The following STK32C variants were observed in gnomAD, a reference collection of about 807,000 sequenced individuals.
STK32C encodes the protein serine/threonine kinase 32C.
In STK32C, 31 loss-of-function variants were observed where a neutral mutation model predicts 56.5. The observed-to-expected ratio is 0.55, with a 90% CI of 0.41 to 0.74. STK32C has a LOEUF of 0.74. STK32C is among the 30% of genes least tolerant of loss of function. The pLI is 0.00. For missense variants in STK32C, 544 were observed against 676.9 expected, an observed-to-expected ratio of 0.80 and a Z score of 2.18; for synonymous variants, 309 against 289.4, an observed-to-expected ratio of 1.07 and a Z score of -0.69.
intron 1 of STK32C, chr10:132,306,881 C>G (rs2066086568): frequency 6.6e-6 from 1 of 152,210 alleles, no homozygotes; most frequent in South Asian, 2.1e-4. Flanking sequence ...CCCCTGGCAC[C>G]CCGGGAGGTG....
chr10:132,256,804 G>A (rs111966780), intron 1 of STK32C, among the ~76,000 whole-genome samples: 1 of 152,216 alleles, frequency 6.6e-6, no homozygotes, highest in East Asian at 1.9e-4. Flanking sequence ...CCTGCTCCTG[G>A]GGCTGCCCGC....
At chr10:132,226,996 T>A (rs1271994080) in intron 3 of STK32C, 28 bp from the exon 4 acceptor site, 4 of 1,610,816 alleles carry the variant, frequency 2.5e-6, no homozygotes, top group Non-Finnish European at 3.4e-6. Context: ...AGGCCTGTTG[T>A]GCGCACAGCT....
chr10:132,223,949 CCT>C (rs1192865027), intron 8 of STK32C, among the ~76,000 whole-genome samples: 5 of 152,316 alleles, frequency 3.3e-5, no homozygotes, highest in Admixed American at 6.5e-5. Context: ...GCTGATGTCC[CCT>C]GAGAGGTGTT....
At chr10:132,218,979 T>C (rs973162122) in intron 10 of STK32C, among the ~76,000 whole-genome samples, 2 of 152,140 alleles carry the variant, frequency 1.3e-5, no homozygotes, top group Non-Finnish European at 2.9e-5. Context: ...TCCACTTCCA[T>C]GAAACGCCCA....
chr10:132,320,677 G>A (rs1021732810), downstream of STK32C, among the ~76,000 whole-genome samples: 3 of 152,162 alleles, frequency 2.0e-5, no homozygotes, highest in Admixed American at 6.5e-5. Flanking sequence ...TGATGCTGGC[G>A]TCCGTTCAAT....
intron 1 of STK32C, among the ~76,000 whole-genome samples, chr10:132,326,183 A>G (rs981258544): frequency 6.6e-6 from 1 of 152,206 alleles, no homozygotes; most frequent in East Asian, 1.9e-4. Flanking sequence ...CCGCCCCACA[A>G]AAGACAGCTT....
chr10:132,208,524 C>G (rs905045016), intron 11 of STK32C, among the ~76,000 whole-genome samples: 28 of 152,198 alleles, frequency 1.8e-4, no homozygotes, highest in African/African-American at 6.3e-4. Flanking sequence ...CCTGCACGTC[C>G]TGTCCATAAG....
At chr10:132,277,173 T>C (rs942046365) in intron 1 of STK32C, among the ~76,000 whole-genome samples, 1 of 152,172 alleles carries the variant, frequency 6.6e-6, no homozygotes, top group African/African-American at 2.4e-5. Flanking sequence ...ATGCACAAGT[T>C]TGTGGATTCT....
At chr10:132,242,927 G>A (rs1269319542) in intron 2 of STK32C, among the ~76,000 whole-genome samples, 1 of 152,132 alleles carries the variant, frequency 6.6e-6, no homozygotes, top group Non-Finnish European at 1.5e-5. Context: ...CCACCCAGGG[G>A]AACCACAGAC....
At chr10:132,297,789 GC>G (rs1230135729) in intron 1 of STK32C, among the ~76,000 whole-genome samples, 3 of 152,158 alleles carry the variant, frequency 2.0e-5, no homozygotes, top group Non-Finnish European at 2.9e-5. Flanking sequence ...TCAGGGGCCC[GC>G]CCCGCGGCCA....
chr10:132,250,295 C>G (rs2063852056), intron 1 of STK32C, among the ~76,000 whole-genome samples: 1 of 150,524 alleles, frequency 6.6e-6, no homozygotes, highest in African/African-American at 2.5e-5. Context: ...GTGAGGCGCA[C>G]AGGACAGGTC....
intron 1 of STK32C, among the ~76,000 whole-genome samples, chr10:132,261,413 A>C (rs909220911): frequency 4.6e-5 from 7 of 152,216 alleles, no homozygotes; most frequent in African/African-American, 7.2e-5. Context: ...AATACCCAGG[A>C]ATACACCTAA....
intron 1 of STK32C, among the ~76,000 whole-genome samples, chr10:132,314,100 G>A (rs774675576): frequency 3.3e-5 from 5 of 152,228 alleles, no homozygotes; most frequent in Admixed American, 6.5e-5. Context: ...GCACCGCGAT[G>A]CACCACCTTA....
chr10:132,252,750 G>A (rs1047100281), intron 1 of STK32C, among the ~76,000 whole-genome samples: 10 of 152,240 alleles, frequency 6.6e-5, no homozygotes, highest in African/African-American at 2.2e-4. Context: ...AAATGCATTC[G>A]AATCCAGGGT....
At chr10:132,309,087 A>G (rs2066170596), upstream of STK32C, among the ~76,000 whole-genome samples, 2 of 152,158 alleles carry the variant, frequency 1.3e-5, no homozygotes, top group African/African-American at 4.8e-5. Context: ...CGGATCCCCA[A>G]CATGGCTCCA....
chr10:132,219,881 G>A (rs1027261223), intron 10 of STK32C, among the ~76,000 whole-genome samples: 18 of 152,242 alleles, frequency 1.2e-4, no homozygotes, highest in Non-Finnish European at 2.2e-4. Flanking sequence ...AGGCTGCACG[G>A]GGGCTGAGGC....
chr10:132,214,432 G>C (rs1346618109), intron 10 of STK32C, among the ~76,000 whole-genome samples: 1 of 152,142 alleles, frequency 6.6e-6, no homozygotes, highest in Non-Finnish European at 1.5e-5. Context: ...TTATTTAAAG[G>C]TGAAAGTAAA....
At chr10:132,213,223 C>G (rs545795179) in intron 10 of STK32C, among the ~76,000 whole-genome samples, 2 of 152,234 alleles carry the variant, frequency 1.3e-5, no homozygotes, top group African/African-American at 4.8e-5. Context: ...GCCTGTACCC[C>G]GCTTTAGCCT....
intron 1 of STK32C, among the ~76,000 whole-genome samples, chr10:132,291,665 G>A (rs1205847506): frequency 2.6e-5 from 4 of 152,190 alleles, no homozygotes; most frequent in Non-Finnish European, 5.9e-5. Context: ...GAACGCTGAG[G>A]CTGAGCTATG....
Sources: gnomAD v4.1 joint callset for allele counts (sites outside exome capture counted in the v4.1 genomes callset) on GRCh38, gnomAD v4.1.1 for gene constraint, MANE v1.5 for transcripts, NCBI Gene and HGNC (gene_info 2026-07-23, HGNC 2026-07-21) for gene names.